The following MAST4 variants were observed in gnomAD, a reference collection of about 807,000 sequenced individuals.
The protein encoded by MAST4 is microtubule-associated serine/threonine-protein kinase 4.
In MAST4, 89 loss-of-function variants were observed where a neutral mutation model predicts 162.7. The observed-to-expected ratio is 0.55, with a 90% confidence interval of 0.46 to 0.65. MAST4 has a LOEUF of 0.65. Among genes scored for constraint, MAST4 ranks in the 30% least tolerant of loss-of-function variants. The pLI is 0.00. For missense variants in MAST4, 3,153 were observed against 3,374.0 expected (o/e 0.93, Z 1.62); for synonymous variants, 1,479 against 1,361.1 (o/e 1.09, Z -1.91).
chr5:67,158,169 C>T (rs1772764151), intron 26 of MAST4, among the ~76,000 whole-genome samples: 1 of 152,172 alleles, frequency 6.6e-6, no homozygotes, highest in Non-Finnish European at 1.5e-5. Flanking sequence ...TCCAAAAAAC[C>T]TTCAGTGGTA....
intron 4 of MAST4, chr5:66,958,737 G>C (rs969985452): frequency 3.2e-5 from 5 of 154,358 alleles, no homozygotes; most frequent in Non-Finnish European, 7.2e-5. Context: ...GAGTGATTTA[G>C]TTAACTCCAC....
At chr5:66,875,545 T>C (rs1318979070) in intron 3 of MAST4, among the ~76,000 whole-genome samples, 3 of 152,204 alleles carry the variant, frequency 2.0e-5, no homozygotes, top group Admixed American at 1.3e-4. Context: ...ATTTTGAAGA[T>C]TAAATGAGAT....
intron 7 of MAST4, 103 bp downstream of exon 7, chr5:67,095,778 A>G: frequency 1.3e-6 from 1 of 786,960 alleles, no homozygotes; most frequent in Non-Finnish European, 1.9e-6. Context: ...AGGAGAAGAT[A>G]AATTCTGCAT....
At chr5:66,975,081 C>G (rs1747959848) in intron 4 of MAST4, among the ~76,000 whole-genome samples, 2 of 152,168 alleles carry the variant, frequency 1.3e-5, no homozygotes, top group African/African-American at 4.8e-5. Flanking sequence ...TTCCTAAATT[C>G]AATCATAAGT....
At chr5:67,108,201 A>C (rs1298454769) in intron 10 of MAST4, among the ~76,000 whole-genome samples, 2 of 152,254 alleles carry the variant, frequency 1.3e-5, no homozygotes, top group African/African-American at 2.4e-5. Context: ...ATTAAGACAC[A>C]AAATTCTCAT....
intron 4 of MAST4, among the ~76,000 whole-genome samples, chr5:66,951,637 T>C (rs1184266562): frequency 7.3e-6 from 1 of 136,472 alleles, no homozygotes; most frequent in Non-Finnish European, 1.7e-5. Context: ...TGTGTGTGTG[T>C]GTGTGTGTGT....
At chr5:66,879,474 A>G (rs1761546898) in intron 3 of MAST4, among the ~76,000 whole-genome samples, 1 of 152,050 alleles carries the variant, frequency 6.6e-6, no homozygotes, top group Admixed American at 6.6e-5. Context: ...AGTATTTTGC[A>G]GCTATGCTTT....
intron 4 of MAST4, among the ~76,000 whole-genome samples, chr5:66,929,933 A>G (rs1741995815): frequency 6.6e-6 from 1 of 152,134 alleles, no homozygotes; most frequent in Admixed American, 6.5e-5. Flanking sequence ...GCGATAAACT[A>G]TTTTGCTTAA....
intron 1 of MAST4, among the ~76,000 whole-genome samples, chr5:66,639,368 CAT>C (rs1172687891): frequency 7.3e-5 from 11 of 150,692 alleles, no homozygotes; most frequent in African/African-American, 2.4e-4. Flanking sequence ...GAGAAGGAAA[CAT>C]AGAAGAGGAA....
chr5:67,032,628 TTGA>T (rs1159925204), intron 4 of MAST4, among the ~76,000 whole-genome samples: 7 of 152,138 alleles, frequency 4.6e-5, no homozygotes, highest in African/African-American at 1.4e-4. Context: ...CTTACCTGAC[TTGA>T]TGATTTTTCA....
At chr5:66,719,328 C>T (rs565402063) in intron 1 of MAST4, among the ~76,000 whole-genome samples, 36 of 152,158 alleles carry the variant, frequency 2.4e-4, no homozygotes, top group Admixed American at 2.1e-3. Flanking sequence ...GAATCTTCTT[C>T]CCAATGGGAA....
intron 9 of MAST4, among the ~76,000 whole-genome samples, chr5:67,103,588 T>G (rs1298561316): frequency 6.6e-6 from 1 of 152,174 alleles, no homozygotes; most frequent in Non-Finnish European, 1.5e-5. Context: ...GATTAGGCAG[T>G]GGGTGACCAG....
At position 67,041,322 on chromosome 5, in the gene MAST4, C is replaced by T. The variant is rs571276743; in HGVS notation, c.675-13082C>T. Among the ~76,000 whole-genome samples the T allele has an allele frequency of 1.6e-3, 243 of 152,274 alleles. No individual in the cohort carries two copies. In the Middle Eastern group the frequency reaches 0.017, roughly 11 times the overall value. On this transcript the variant is annotated intron_variant, in intron 4 of 28. Transcript: ENST00000403625. ...CTGAAGCTTTTGTTTTTCTGTGTTT[C>T]TGAAACCCACCAATTATACTTCTTA...
At chr5:66,621,818 A>G (rs1321392196) in intron 1 of MAST4, among the ~76,000 whole-genome samples, 5 of 152,182 alleles carry the variant, frequency 3.3e-5, no homozygotes, top group African/African-American at 4.8e-5. Context: ...GGCAGATAAT[A>G]TGTCAGGCAA....
At chr5:66,736,569 A>G (rs1350157480) in intron 1 of MAST4, among the ~76,000 whole-genome samples, 1 of 152,220 alleles carries the variant, frequency 6.6e-6, no homozygotes, top group Non-Finnish European at 1.5e-5. Context: ...AGTGATTCCT[A>G]CTATGGCTAT....
chr5:66,942,580 A>G (rs571851464), intron 4 of MAST4, among the ~76,000 whole-genome samples: 1 of 152,260 alleles, frequency 6.6e-6, no homozygotes, highest in South Asian at 2.1e-4. Context: ...GTTGATGCTG[A>G]TATGAGAATG....
chr5:66,915,071 C>G (rs574799781), intron 4 of MAST4, among the ~76,000 whole-genome samples: 1 of 152,030 alleles, frequency 6.6e-6, no homozygotes, highest in African/African-American at 2.4e-5. Context: ...GGAGACCAGC[C>G]TGGTCAACAT....
Position 67,006,040 on chromosome 5 carries a change from T to A in MAST4, c.675-48364T>A, listed in dbSNP as rs114266497. Among the ~76,000 whole-genome samples the A allele has an allele frequency of 3.3e-3, 496 of 152,376 alleles. 3 individuals carry two copies. The highest frequency in any genetic ancestry group is 0.012 in the African/African-American group (480 of 41,582). ...GGTTCGTTCTTTTTGGTTATACCTG[T>A]AACTTTTTGTAGTATAAATGTGGAT... On this transcript the variant is annotated intron_variant, in intron 4 of 28. Coordinates refer to ENST00000403625, the MANE Select transcript of MAST4 (RefSeq NM_001164664.2).
At chr5:66,804,368 T>C (rs16895636) in intron 3 of MAST4, among the ~76,000 whole-genome samples, 7,348 of 152,268 alleles carry the variant, frequency 0.048, 266 homozygotes, top group South Asian at 0.13. Context: ...GCTTTGGCCA[T>C]GGATCTGTGG....
Sources: allele counts gnomAD v4.1 joint callset (sites outside exome capture counted in the v4.1 genomes callset), GRCh38; gene constraint gnomAD v4.1.1; transcripts MANE v1.5; gene names NCBI Gene and HGNC (gene_info 2026-07-23, HGNC 2026-07-21).